Variants in BICDL1 observed in about 807,000 individuals in gnomAD.
BICDL1 encodes the protein BICD family-like cargo adapter 1.
A neutral mutation model predicts 76.8 loss-of-function variants in BICDL1; 20 were observed. The ratio of observed to expected loss-of-function variants is 0.26; its 90% CI spans 0.18 to 0.38. The LOEUF (loss-of-function observed/expected upper bound fraction) is 0.38. BICDL1 is among the 10% of genes least tolerant of loss of function. The probability of loss-of-function intolerance (pLI) is 1.00; values close to 1 mark genes in which losing one functional copy is unlikely to be tolerated. For missense variants in BICDL1, 700 were observed against 798.6 expected (o/e 0.88, Z 1.49); for synonymous variants, 383 against 337.1 (o/e 1.14, Z -1.49).
At chr12:120,009,209 ATCT>A (rs1280962266) in intron 2 of BICDL1, among the ~76,000 whole-genome samples, 1 of 151,892 alleles carries the variant, frequency 6.6e-6, no homozygotes, top group Admixed American at 6.6e-5. Context: ...GATGGTCTCG[ATCT>A]TCTGACTTCA....
chr12:120,093,070 C>T lies in BICDL1; in HGVS notation c.1775C>T (p.Ala592Val). ...CTGAAAGAACGGAGCCAGCCGGCTG[C>T]TGCCCTCTGCAGGGGCCACAGCGCT... Reference protein sequence around the residue: ...THLKERSQPAAALCRGHSAGR... With the variant: ...THLKERSQPAVALCRGHSAGR... Residue 592 changes from alanine to valine, a missense_variant, in exon 10 of 10, where the codon GCT (alanine) becomes GTT (valine). By Grantham distance (64) the Ala-to-Val change is moderately conservative. This residue lies in a region of BICDL1 where 455 missense variants were observed against 548.7 expected (regional missense o/e 0.83). Transcript: ENST00000548673. 6.2e-7 allele frequency: 1 copy of T among 1,604,932 alleles called. No homozygotes were observed. Among genetic ancestry groups the T allele is most frequent in the South Asian group, 1.1e-5 (1 of 90,456 alleles).
intron 8 of BICDL1, among the ~76,000 whole-genome samples, chr12:120,082,306 G>T (rs1218936733): frequency 1.3e-5 from 2 of 151,830 alleles, no homozygotes; most frequent in African/African-American, 4.8e-5. Flanking sequence ...AGGCTGGAGT[G>T]CAGTGGCATG....
chr12:120,000,610 T>C lies in BICDL1; in HGVS notation c.645+1874T>C, dbSNP rs184186611. On this transcript the variant is annotated intron_variant, in intron 2 of 9. Transcript: ENST00000548673. ...AAATTAAAGGGGAAATTAAGATTTC[T>C]TGGGGGCTAAGTTCATGTTACAAAA... 4.6e-5 allele frequency: 7 copies of C among 152,314 alleles called. No individual in the cohort carries two copies. In the East Asian group the frequency reaches 1.3e-3, roughly 29 times the overall value. 9.4% of individuals were successfully genotyped at this position (152,314 alleles called of 1,614,324 possible). A position where few individuals can be genotyped will look rare whatever the true frequency, so the allele number is the denominator to read the frequency against.
chr12:120,004,520 C>G (rs993628218), intron 2 of BICDL1, among the ~76,000 whole-genome samples: 1 of 152,082 alleles, frequency 6.6e-6, no homozygotes, highest in African/African-American at 2.4e-5. Context: ...GAATCCAAAG[C>G]CTGTACTTTA....
intron 4 of BICDL1, among the ~76,000 whole-genome samples, chr12:120,067,934 C>T (rs1182822397): frequency 6.6e-6 from 1 of 152,220 alleles, no homozygotes; most frequent in Non-Finnish European, 1.5e-5. Flanking sequence ...TATTGCTGAT[C>T]CACCAGAACT....
At chr12:120,026,444 A>T (rs1952303884) in intron 2 of BICDL1, among the ~76,000 whole-genome samples, 1 of 152,218 alleles carries the variant, frequency 6.6e-6, no homozygotes, top group African/African-American at 2.4e-5. Context: ...TTCTAAAAAA[A>T]AATAATATTG....
chr12:120,010,840 G>C (rs919242157), intron 2 of BICDL1, among the ~76,000 whole-genome samples: 11 of 152,182 alleles, frequency 7.2e-5, no homozygotes, highest in African/African-American at 2.7e-4. Flanking sequence ...GCTCAAGTCT[G>C]CAGTCCCAGT....
chr12:120,009,471 G>T (rs898687012), intron 2 of BICDL1, among the ~76,000 whole-genome samples: 1 of 152,190 alleles, frequency 6.6e-6, no homozygotes, highest in Non-Finnish European at 1.5e-5. Context: ...TACTGTAGGG[G>T]TAGATCTTTT....
intron 2 of BICDL1, among the ~76,000 whole-genome samples, chr12:120,052,686 T>C (rs1017316130): frequency 6.6e-6 from 1 of 152,230 alleles, no homozygotes; most frequent in African/African-American, 2.4e-5. Context: ...ATATCCTGTT[T>C]CTCATGAAAC....
chr12:120,063,353 T>C (rs1418380538), intron 3 of BICDL1, among the ~76,000 whole-genome samples: 1 of 152,132 alleles, frequency 6.6e-6, no homozygotes, highest in African/African-American at 2.4e-5. Flanking sequence ...AGAGACAATA[T>C]TTCTTTGTTT....
At chr12:120,051,487 CAT>C (rs747765423) in intron 2 of BICDL1, among the ~76,000 whole-genome samples, 1 of 152,022 alleles carries the variant, frequency 6.6e-6, no homozygotes, top group Non-Finnish European at 1.5e-5. Context: ...TCCATGGGTA[CAT>C]GTTTGTTTTT....
At chr12:120,051,321 C>T (rs1241430531) in intron 2 of BICDL1, among the ~76,000 whole-genome samples, 1 of 152,214 alleles carries the variant, frequency 6.6e-6, no homozygotes, top group Non-Finnish European at 1.5e-5. Flanking sequence ...GCTGGGATTA[C>T]AGGCGTGAGC....
intron 2 of BICDL1, among the ~76,000 whole-genome samples, chr12:120,046,515 C>T (rs1024880626): frequency 6.6e-6 from 1 of 152,200 alleles, no homozygotes; most frequent in Non-Finnish European, 1.5e-5. Context: ...GAGGTAGGTA[C>T]TACTTTCTCC....
chr12:120,000,730 C>T (rs1487154973), intron 2 of BICDL1, among the ~76,000 whole-genome samples: 1 of 152,164 alleles, frequency 6.6e-6, no homozygotes, highest in African/African-American at 2.4e-5. Context: ...AGCAAAAGCT[C>T]ATGGAGCTTG....
At chr12:120,085,501 G>A (rs1053748774) in intron 8 of BICDL1, among the ~76,000 whole-genome samples, 10 of 152,130 alleles carry the variant, frequency 6.6e-5, no homozygotes, top group Non-Finnish European at 1.5e-4. Context: ...GATGCTTATC[G>A]TGGAAGTCCA....
chr12:119,989,994 C>T lies in BICDL1; in HGVS notation c.126C>T (p.Ala42=), dbSNP rs1417745913. 2.0e-6 allele frequency: 3 copies of T among 1,480,058 alleles called. No individual in the cohort carries two copies. Among genetic ancestry groups the T allele is most frequent in the Non-Finnish European group, 2.7e-6 (3 of 1,128,614 alleles). The allele number at this position is 1,480,058 out of a possible 1,614,324, so 91.7% of individuals were successfully genotyped here. ...DAVRSPAAAA[A]LIFPGGSGEL... Reference sequence around the variant, plus strand: ...TCCGGAGTCCCGCCGCCGCCGCCGCCCTCATCTTCCCCGGGGGCTCCGGGG... The same window carrying T: ...TCCGGAGTCCCGCCGCCGCCGCCGCTCTCATCTTCCCCGGGGGCTCCGGGG... Residue 42 remains alanine (A), a synonymous_variant, in exon 1 of 10, where the codon GCC becomes GCT. Coordinates refer to ENST00000548673, the MANE Select transcript of BICDL1 (RefSeq NM_001367886.1).
chr12:120,084,110 C>G (rs1874209864), intron 8 of BICDL1, among the ~76,000 whole-genome samples: 1 of 152,106 alleles, frequency 6.6e-6, no homozygotes, highest in Non-Finnish European at 1.5e-5. Context: ...TCAAGCGATT[C>G]TCATGCCTCA....
At chr12:120,001,950 T>G (rs767225414) in intron 2 of BICDL1, among the ~76,000 whole-genome samples, 2 of 152,180 alleles carry the variant, frequency 1.3e-5, no homozygotes, top group Non-Finnish European at 2.9e-5. Context: ...GCTGATTGCT[T>G]GAGCCCAGGA....
intron 4 of BICDL1, among the ~76,000 whole-genome samples, chr12:120,066,764 T>A (rs1436231372): frequency 6.6e-6 from 1 of 152,224 alleles, no homozygotes; most frequent in Non-Finnish European, 1.5e-5. Flanking sequence ...TAATTACCAG[T>A]GTCCTCCAGA....
Sources: allele counts gnomAD v4.1 joint callset (sites outside exome capture counted in the v4.1 genomes callset), GRCh38; gene constraint gnomAD v4.1.1; regional missense constraint gnomAD v4.1.1; transcripts MANE v1.5; gene names NCBI Gene and HGNC (gene_info 2026-07-23, HGNC 2026-07-21).